The following BTBD9 variants were observed in gnomAD, a reference collection of about 807,000 sequenced individuals.
The protein encoded by BTBD9 is BTB/POZ domain-containing protein 9.
Under a neutral mutation model 64.3 loss-of-function variants are expected in BTBD9, and 49 were observed. That is an observed-to-expected ratio of 0.76 (90% CI 0.61 to 0.97). BTBD9 has a LOEUF of 0.97. Ranked by LOEUF, BTBD9 falls within the 50% of genes least tolerant of loss-of-function variation. The pLI, the probability that BTBD9 is intolerant of heterozygous loss-of-function variation, is 0.00. For synonymous variants in BTBD9, 260 were observed against 274.7 expected, an observed-to-expected ratio of 0.95 and a Z score of 0.53; for missense variants, 598 against 762.1, an observed-to-expected ratio of 0.78 and a Z score of 2.53.
chr6:38,492,955 CT>C, intron 6 of BTBD9, among the ~76,000 whole-genome samples: 1 of 152,176 alleles, frequency 6.6e-6, no homozygotes, highest in East Asian at 1.9e-4. Context: ...AGAATTCGAT[CT>C]AAAAATAAGA....
At chr6:38,521,287 C>A (rs2127419908) in intron 6 of BTBD9, among the ~76,000 whole-genome samples, 1 of 152,228 alleles carries the variant, frequency 6.6e-6, no homozygotes, top group Non-Finnish European at 1.5e-5. Context: ...CTTACTATTA[C>A]AAGTTTAAGA....
intron 6 of BTBD9, among the ~76,000 whole-genome samples, chr6:38,487,228 T>A (rs574484999): frequency 6.6e-6 from 1 of 152,234 alleles, no homozygotes; most frequent in African/African-American, 2.4e-5. Context: ...TTATCCATTA[T>A]ATAAATTATC....
intron 6 of BTBD9, among the ~76,000 whole-genome samples, chr6:38,520,038 C>G (rs1773211253): frequency 6.6e-6 from 1 of 151,842 alleles, no homozygotes; most frequent in Non-Finnish European, 1.5e-5. Context: ...GAAAATCTCA[C>G]AAAACTATAT....
chr6:38,336,367 A>C (rs1488488133), intron 7 of BTBD9, among the ~76,000 whole-genome samples: 3 of 152,206 alleles, frequency 2.0e-5, no homozygotes, highest in African/African-American at 7.2e-5. Context: ...AGTAAAGAAA[A>C]GAGGTTTAAT....
intron 8 of BTBD9, among the ~76,000 whole-genome samples, chr6:38,280,335 T>C (rs76134386): frequency 0.038 from 5,720 of 152,234 alleles, 164 homozygotes; most frequent in Non-Finnish European, 0.053. Flanking sequence ...AAGAAGACTT[T>C]AGAGTGATGC....
chr6:38,637,968 G>A (rs1306282366), intron 1 of BTBD9, among the ~76,000 whole-genome samples: 1 of 152,178 alleles, frequency 6.6e-6, no homozygotes, highest in Non-Finnish European at 1.5e-5. Flanking sequence ...TTCCCAACCT[G>A]CTAAGCCATC....
At chr6:38,521,410 G>A (rs1457262448) in intron 6 of BTBD9, among the ~76,000 whole-genome samples, 1 of 152,182 alleles carries the variant, frequency 6.6e-6, no homozygotes, top group Non-Finnish European at 1.5e-5. Flanking sequence ...TACAGGTTGA[G>A]TATCCTTATA....
chr6:38,435,825 C>T lies in BTBD9; in HGVS notation c.1155-90732G>A, dbSNP rs1029590528. On this transcript the variant is annotated intron_variant, in intron 6 of 10. Transcript: ENST00000481247. ...CTGGGATTACAGGTGCCCGCCACTG[C>T]GCCCGGCTAATTTTTGTATTTTTAG... 6.0e-5 allele frequency among the ~76,000 whole-genome samples: 9 copies of T among 151,032 alleles called. 1 individual carries two copies. Among genetic ancestry groups the T allele is most frequent in the African/African-American group, 9.8e-5 (4 of 40,694 alleles).
rs553652033 is a variant in BTBD9 at position 38,534,246 on chromosome 6, T to C, written c.1154+43354A>G. ...TTAGAGGCTGCTATGAGCAACTATA[T>C]GCCAATAAATTGGAAAACCTAGAAG... On this transcript the variant is annotated intron_variant, in intron 6 of 10. Coordinates refer to ENST00000481247, the MANE Select transcript of BTBD9 (RefSeq NM_001099272.2). Among the ~76,000 whole-genome samples the C allele has an allele frequency of 6.6e-5, 10 of 152,122 alleles. No individual in the cohort carries two copies. In the South Asian group the frequency reaches 1.7e-3, roughly 25 times the overall value.
chr6:38,342,199 AG>A (rs1437656471), intron 7 of BTBD9, among the ~76,000 whole-genome samples: 2 of 152,142 alleles, frequency 1.3e-5, no homozygotes, highest in African/African-American at 4.8e-5. Context: ...AAAGAAGACC[AG>A]GAACTATGAA....
chr6:38,229,698 C>T lies in BTBD9; in HGVS notation c.1562+26711G>A, dbSNP rs76216393. On this transcript the variant is annotated intron_variant, in intron 9 of 10. Coordinates refer to ENST00000481247, the MANE Select transcript of BTBD9 (RefSeq NM_001099272.2). The stretch of plus-strand genomic sequence containing the variant: ...AAACCACAGTTCTTTTTCCCATAAA[C>T]TTCTCTCAAGCTTGACTGCTCCCAT... Among the ~76,000 whole-genome samples the T allele has an allele frequency of 2.4e-3, 372 of 152,286 alleles. 1 individual carries two copies. The highest frequency in any genetic ancestry group is 8.5e-3 in the African/African-American group (353 of 41,550).
intron 8 of BTBD9, among the ~76,000 whole-genome samples, chr6:38,275,656 AAAAC>A (rs1472760719): frequency 4.6e-5 from 7 of 152,174 alleles, no homozygotes; most frequent in African/African-American, 1.7e-4. Context: ...TTACAAGAAA[AAAAC>A]AAACAACTCC....
chr6:38,187,455 CTGAAAGACACACCGACATCTGTCTGCCA>C (rs1379953087), intron 10 of BTBD9, among the ~76,000 whole-genome samples: 1 of 152,130 alleles, frequency 6.6e-6, no homozygotes, highest in African/African-American at 2.4e-5. Context: ...GGTGGATGTG[CTGAAAGACACACCGACATCTGTCTGCCA>C]TCTAGTGCTG....
At chr6:38,213,264 T>C (rs1267482588) in intron 9 of BTBD9, among the ~76,000 whole-genome samples, 1 of 152,072 alleles carries the variant, frequency 6.6e-6, no homozygotes, top group African/African-American at 2.4e-5. Context: ...AGTGGGGAGA[T>C]ATTCAGTAAA....
At chr6:38,329,399 C>T (rs1282926065) in intron 7 of BTBD9, among the ~76,000 whole-genome samples, 2 of 150,596 alleles carry the variant, frequency 1.3e-5, no homozygotes, top group African/African-American at 2.4e-5. Flanking sequence ...CTCGGCTCAC[C>T]GCAACCTCCG....
At chr6:38,511,984 T>C (rs952236716) in intron 6 of BTBD9, among the ~76,000 whole-genome samples, 3 of 152,046 alleles carry the variant, frequency 2.0e-5, no homozygotes, top group African/African-American at 7.2e-5. Flanking sequence ...TTTTTCCCCC[T>C]TTTTTTGAGA....
intron 6 of BTBD9, among the ~76,000 whole-genome samples, chr6:38,353,724 T>C (rs1009882942): frequency 3.9e-5 from 6 of 152,234 alleles, no homozygotes; most frequent in Admixed American, 2.6e-4. Flanking sequence ...GTCTGCATTA[T>C]CTTTTCCAGT....
rs561762333 is a variant in BTBD9 at position 38,462,765 on chromosome 6, C to A, written c.1154+114835G>T. On this transcript the variant is annotated intron_variant, in intron 6 of 10. Transcript: ENST00000481247. ...AATATTGAGTCTTCTGACCCATACA[C>A]AATCTCTCTCTCCATTTATTTCTCT... Among the ~76,000 whole-genome samples, 164 of 152,112 alleles carry A rather than the reference C, an allele frequency of 1.1e-3. 1 individual carries two copies. The highest frequency in any genetic ancestry group is 3.8e-3 in the African/African-American group (157 of 41,490).
chr6:38,233,056 G>C (rs1763664427), intron 9 of BTBD9, among the ~76,000 whole-genome samples: 1 of 152,154 alleles, frequency 6.6e-6, no homozygotes, highest in African/African-American at 2.4e-5. Flanking sequence ...CTGTGGGAGG[G>C]CTCAAGTGTT....
Sources: gnomAD v4.1 joint callset for allele counts (sites outside exome capture counted in the v4.1 genomes callset) on GRCh38, gnomAD v4.1.1 for gene constraint, MANE v1.5 for transcripts, NCBI Gene and HGNC (gene_info 2026-07-23, HGNC 2026-07-21) for gene names.